FRY: variants seen among roughly 807,000 people sequenced by gnomAD.
The protein encoded by FRY is protein furry homolog.
FRY carries 128 observed loss-of-function variants against 348.4 expected under a neutral mutation model. The observed-to-expected ratio is 0.37, with a 90% CI of 0.32 to 0.43. FRY has a LOEUF of 0.43. FRY is among the 20% of genes least tolerant of loss of function. The pLI is 1.00. For synonymous variants in FRY, 1,370 were observed against 1,374.7 expected, an observed-to-expected ratio of 1.00 and a Z score of 0.08; for missense variants, 2,736 against 3,695.2, an observed-to-expected ratio of 0.74 and a Z score of 6.73.
chr13:32,262,833 C>T (rs1481269959), intron 53 of FRY, among the ~76,000 whole-genome samples: 2 of 152,026 alleles, frequency 1.3e-5, no homozygotes, highest in East Asian at 3.9e-4. Context: ...AAACAATATG[C>T]TAAGTGAGGT....
intron 4 of FRY, among the ~76,000 whole-genome samples, chr13:32,119,334 AT>A (rs1383926854): frequency 2.6e-5 from 4 of 152,208 alleles, no homozygotes; most frequent in Non-Finnish European, 5.9e-5. Flanking sequence ...GATTTCTGAG[AT>A]TAGTACAGTA....
chr13:32,227,274 A>G (rs1003627417), intron 39 of FRY, among the ~76,000 whole-genome samples: 1 of 152,218 alleles, frequency 6.6e-6, no homozygotes, highest in Non-Finnish European at 1.5e-5. Context: ...CCTAGTTTCA[A>G]CTATAGTTGC....
Position 32,219,592 on chromosome 13 carries a change from A to G in FRY, c.4765+761A>G, listed in dbSNP as rs190280921. 1.3e-3 allele frequency among the ~76,000 whole-genome samples: 200 copies of G among 151,166 alleles called. 1 individual carries two copies. The highest frequency in any genetic ancestry group is 4.6e-3 in the African/African-American group (189 of 41,288). On this transcript the variant is annotated intron_variant, in intron 36 of 60. Coordinates refer to ENST00000542859, the MANE Select transcript of FRY (RefSeq NM_023037.3). The stretch of plus-strand genomic sequence containing the variant: ...GCTAACACGGTGAAACCCCATCTCT[A>G]CTAAAAAATACAAAAAATTAGCCGG...
chr13:32,264,906 T>C (rs1205765436), intron 53 of FRY, among the ~76,000 whole-genome samples: 4 of 152,244 alleles, frequency 2.6e-5, no homozygotes, highest in African/African-American at 9.6e-5. Flanking sequence ...CCTGGGCATC[T>C]ACTGCGCCAG....
At chr13:32,073,119 G>C (rs1039097594) in intron 1 of FRY, among the ~76,000 whole-genome samples, 1 of 152,222 alleles carries the variant, frequency 6.6e-6, no homozygotes, top group Admixed American at 6.5e-5. Context: ...AATTAGCTCT[G>C]TGCTTGTCTG....
At chr13:32,053,922 GGAGGTTGCAATGAGCT>G (rs1207288583) in intron 1 of FRY, among the ~76,000 whole-genome samples, 1 of 152,072 alleles carries the variant, frequency 6.6e-6, no homozygotes, top group Non-Finnish European at 1.5e-5. Context: ...CCCAGGATGC[GGAGGTTGCAATGAGCT>G]GAGATCACAC....
chr13:32,086,720 A>G (rs1329592968), intron 2 of FRY, among the ~76,000 whole-genome samples: 1 of 152,198 alleles, frequency 6.6e-6, no homozygotes, highest in South Asian at 2.1e-4. Flanking sequence ...GGAAAAACGA[A>G]AAGTTTTTTT....
chr13:32,071,297 T>C (rs1874642190), intron 1 of FRY, among the ~76,000 whole-genome samples: 1 of 152,236 alleles, frequency 6.6e-6, no homozygotes, highest in African/African-American at 2.4e-5. Context: ...ATAAATTACC[T>C]TGTGCAGTAT....
chr13:32,236,705 T>G (rs959394993), intron 43 of FRY, among the ~76,000 whole-genome samples: 1 of 152,212 alleles, frequency 6.6e-6, no homozygotes, highest in Admixed American at 6.5e-5. Context: ...CTGTTTGTGT[T>G]ATTGAGCTCA....
rs371353662 is a variant in FRY, at chr13:32,224,335, C to A, written c.4866C>A (p.Pro1622=). Residue 1622 remains proline, a synonymous_variant, in exon 37 of 61, where the codon CCC becomes CCA. Transcript: ENST00000542859. ...PMPCTGGCWA[P]LVDYLPETIT... ...CTTGTACTGGAGGATGCTGGGCCCC[C>A]CTGGTTGACTATCTCCCGGAGACCA... is the stretch of plus-strand genomic sequence containing the variant. 1.2e-6 allele frequency: 2 copies of A among 1,613,918 alleles called. No individual in the cohort carries two copies. Among genetic ancestry groups the A allele is most frequent in the African/African-American group, 2.7e-5 (2 of 74,896 alleles).
chr13:32,192,251 TCTAA>T (rs974622221), intron 28 of FRY, among the ~76,000 whole-genome samples: 3 of 142,242 alleles, frequency 2.1e-5, no homozygotes, highest in African/African-American at 5.2e-5. Context: ...TTCTCTCAAG[TCTAA>T]CTTTTTAATG....
chr13:32,231,631 A>C (rs1183074717), intron 41 of FRY, among the ~76,000 whole-genome samples: 1 of 152,256 alleles, frequency 6.6e-6, no homozygotes, highest in East Asian at 1.9e-4. Flanking sequence ...ATCAGTCTCA[A>C]CAATGAAAAA....
intron 1 of FRY, among the ~76,000 whole-genome samples, chr13:32,075,541 G>T (rs1410329835): frequency 6.6e-6 from 1 of 152,186 alleles, no homozygotes; most frequent in Non-Finnish European, 1.5e-5. Flanking sequence ...CTGTGAGAGG[G>T]TCTGATGATT....
chr13:32,205,879 G>A (rs1332803652), intron 31 of FRY, among the ~76,000 whole-genome samples: 1 of 151,824 alleles, frequency 6.6e-6, no homozygotes, highest in East Asian at 1.9e-4. Flanking sequence ...AATGATAAGG[G>A]CCTGAACAAA....
rs1465352734 is a variant in FRY at position 32,237,117 on chromosome 13, A to G, written c.5811-262A>G. Among the ~76,000 whole-genome samples, 1 of 152,186 alleles carries G rather than the reference A, an allele frequency of 6.6e-6. No individual in the cohort carries two copies. The highest frequency in any genetic ancestry group is 1.5e-5 in the Non-Finnish European group (1 of 68,032). On this transcript the variant is annotated intron_variant, in intron 43 of 60. Transcript: ENST00000542859. This position sits in a 1 kb window ranked among gnomAD's most constrained non-coding sequence, Gnocchi z 6.3. ...CAAATTCAAGCAAAACATAAATGAA[A>G]TATCAGTAAACTTTAAGGCCAATTA...
chr13:32,031,933 A>G (rs1593545647), intron 1 of FRY, 68 bp downstream of exon 1: 1 of 843,652 alleles, frequency 1.2e-6, no homozygotes, highest in East Asian at 2.5e-5. Flanking sequence ...GGAGACAGAA[A>G]ATCTCAACTG....
rs201245579 is a variant in FRY, at chr13:32,210,996, G to T, written c.4553G>T (p.Arg1518Leu). 2.0e-5 allele frequency: 32 copies of T among 1,613,968 alleles called. No homozygotes were observed. In the African/African-American group the frequency reaches 4.1e-4, roughly 21 times the overall value. ...VQHCDNPPFY[R>L]FTASSKASAA... ...CATTGTGACAACCCGCCCTTCTACC[G>T]CTTCACGGCCAGTAGCAAGGCTTCC... Residue 1518 changes from arginine to leucine, a missense_variant, in exon 34 of 61, where the codon CGC becomes CTC. Arg to Leu is a moderately radical substitution (Grantham distance 102). This residue lies in a region of FRY where 794 missense variants were observed against 977.0 expected (regional missense o/e 0.81). Transcript: ENST00000542859.
chr13:32,236,553 T>C (rs1886237545), intron 43 of FRY, among the ~76,000 whole-genome samples: 1 of 152,322 alleles, frequency 6.6e-6, no homozygotes, highest in Middle Eastern at 3.4e-3. Context: ...TAAATGAATA[T>C]ATACAAAGCT....
At chr13:32,289,396 A>G (rs528310202) in intron 58 of FRY, among the ~76,000 whole-genome samples, 2 of 152,204 alleles carry the variant, frequency 1.3e-5, no homozygotes, top group Non-Finnish European at 2.9e-5. Flanking sequence ...CAGTCCCTTT[A>G]TAGGTGCTAC....
Sources: gnomAD v4.1 joint callset for allele counts (sites outside exome capture counted in the v4.1 genomes callset) on GRCh38, gnomAD v4.1.1 for gene constraint, gnomAD v4.1.1 regional missense constraint, Gnocchi (gnomAD v3.1) non-coding constraint, MANE v1.5 for transcripts, NCBI Gene and HGNC (gene_info 2026-07-23, HGNC 2026-07-21) for gene names.